The following SLC38A1 variants were observed in gnomAD, a reference collection of about 807,000 sequenced individuals.
SLC38A1 encodes solute carrier family 38 member 1.
A neutral mutation model predicts 60.3 loss-of-function variants in SLC38A1; 18 were observed. The observed-to-expected ratio is 0.30, with a 90% CI of 0.21 to 0.44. The LOEUF (loss-of-function observed/expected upper bound fraction) is 0.44. Ranked by LOEUF, SLC38A1 falls within the 20% of genes least tolerant of loss-of-function variation. The pLI is 1.00. For synonymous variants in SLC38A1, 196 were observed against 212.1 expected (o/e 0.92, Z 0.66); for missense variants, 448 against 587.2 (o/e 0.76, Z 2.45).
Position 46,229,166 on chromosome 12 carries a change from T to C in SLC38A1, c.301A>G (p.Ile101Val), listed in dbSNP as rs373482105. Residue 101 changes from isoleucine (I) to valine (V), a missense_variant, in exon 5 of 17, where the codon ATC becomes GTC. By Grantham distance (29) the Ile-to-Val change is conservative. Around this residue, in one of 2 missense-constraint regions of SLC38A1, gnomAD observed 346 missense variants for 497.5 expected, o/e 0.70. Coordinates refer to ENST00000398637, the MANE Select transcript of SLC38A1 (RefSeq NM_030674.4). ...GTCAATACTCACAGAAAAAGTAGGA[T>C]TCCAGTGTTTGCCAGGGCAAAGGCG... ...GLAFALANTG[I>V]LLFLVLLTSV... is the part of the protein sequence containing the mutation. 62 of 1,610,420 alleles carry C rather than the reference T, an allele frequency of 3.8e-5. No homozygotes were observed. The highest frequency in any genetic ancestry group is 4.8e-5 in the Non-Finnish European group (57 of 1,177,352).
intron 1 of SLC38A1, chr12:46,267,846 T>C (rs964720718): frequency 2.6e-5 from 4 of 152,228 alleles, no homozygotes; most frequent in African/African-American, 4.8e-5. Flanking sequence ...ACTACCTCTG[T>C]CCCCTGCCAC....
Position 46,268,318 on chromosome 12 carries a change from G to A in SLC38A1, c.-209+208C>T, listed in dbSNP as rs1316933689. 6.6e-6 allele frequency among the ~76,000 whole-genome samples: 1 copy of A among 152,180 alleles called. No individual in the cohort carries two copies. The highest frequency in any genetic ancestry group is 1.9e-4 in the East Asian group (1 of 5,188). ...CAAAGGTGAACTCGGGGGCCCTGGCGCTTCCTCCCGCTGCCGCGTGCGTTC... is the reference window on the plus strand; with the variant it reads ...CAAAGGTGAACTCGGGGGCCCTGGCACTTCCTCCCGCTGCCGCGTGCGTTC... On this transcript the variant is annotated intron_variant, in intron 1 of 16. Transcript: ENST00000398637. The surrounding 1 kb of genome is among the most constrained non-coding windows in gnomAD (Gnocchi z 4.4).
At chr12:46,194,421 C>T (rs1221277071) in intron 16 of SLC38A1, among the ~76,000 whole-genome samples, 1 of 152,090 alleles carries the variant, frequency 6.6e-6, no homozygotes, top group African/African-American at 2.4e-5. Context: ...CTTGGGGTTG[C>T]TCTTCTTGGA....
At chr12:46,229,310 C>A in intron 4 of SLC38A1, 42 bp from the exon 5 acceptor site, 1 of 1,373,462 alleles carries the variant, frequency 7.3e-7, no homozygotes, top group Non-Finnish European at 1.0e-6. Context: ...AAAATAATCC[C>A]CAAGAAAGTT....
At chr12:46,256,773 C>T (rs1340614713) in intron 1 of SLC38A1, among the ~76,000 whole-genome samples, 1 of 152,158 alleles carries the variant, frequency 6.6e-6, no homozygotes, top group East Asian at 1.9e-4. Context: ...GGCCAAGCTG[C>T]AACACAAAGG....
chr12:46,226,052 A>G (rs940131724), intron 5 of SLC38A1, among the ~76,000 whole-genome samples: 1 of 152,202 alleles, frequency 6.6e-6, no homozygotes, highest in Non-Finnish European at 1.5e-5. Flanking sequence ...TTAAATACTG[A>G]TTGTATATTT....
At chr12:46,258,149 G>C (rs963136449) in intron 1 of SLC38A1, among the ~76,000 whole-genome samples, 2 of 152,148 alleles carry the variant, frequency 1.3e-5, no homozygotes, top group Non-Finnish European at 2.9e-5. Flanking sequence ...TCTTGGTTTT[G>C]GTGGGTTTTA....
At chr12:46,196,532 G>A (rs1437853090) in intron 16 of SLC38A1, among the ~76,000 whole-genome samples, 1 of 152,140 alleles carries the variant, frequency 6.6e-6, no homozygotes, top group East Asian at 1.9e-4. Flanking sequence ...CTTCCTCTCT[G>A]TCCTCATTAA....
intron 3 of SLC38A1, among the ~76,000 whole-genome samples, chr12:46,235,947 G>A (rs1399139761): frequency 6.6e-6 from 1 of 152,174 alleles, no homozygotes; most frequent in African/African-American, 2.4e-5. Context: ...AATTTAAGGT[G>A]GCAATAACCA....
intron 5 of SLC38A1, among the ~76,000 whole-genome samples, chr12:46,223,480 C>CACACACACACACACA (rs1565773441): frequency 7.0e-6 from 1 of 142,328 alleles, no homozygotes; most frequent in African/African-American, 2.9e-5. Flanking sequence ...ACACACACAC[C>CACACACACACACACA]CCACTCATTT....
At position 46,215,307 on chromosome 12, in the gene SLC38A1, G is replaced by A. The variant is rs377400082; in HGVS notation, c.315-6180C>T. Among the ~76,000 whole-genome samples, 91 of 152,338 alleles carry A rather than the reference G, an allele frequency of 6.0e-4. 1 individual carries two copies. The highest frequency in any genetic ancestry group is 2.0e-3 in the African/African-American group (82 of 41,572). The stretch of plus-strand genomic sequence containing the variant: ...GCTACCCAAGTAAGGTGACAGTGAC[G>A]AAAAGCACTTACAACTGAATCATTC... On this transcript the variant is annotated intron_variant, in intron 5 of 16. Transcript: ENST00000398637.
intron 7 of SLC38A1, 25 bp from the exon 8 acceptor site, chr12:46,207,261 A>G: frequency 6.3e-7 from 1 of 1,584,080 alleles, no homozygotes; most frequent in Admixed American, 1.7e-5. Context: ...GAACATTTTT[A>G]GAAAGAAGAT....
intron 16 of SLC38A1, among the ~76,000 whole-genome samples, chr12:46,190,505 C>T (rs549037421): frequency 4.6e-5 from 7 of 152,296 alleles, no homozygotes; most frequent in South Asian, 2.1e-4. Context: ...CTTGAGGAAT[C>T]GCCACACTGT....
At chr12:46,250,177 T>C (rs1181909470) in intron 1 of SLC38A1, among the ~76,000 whole-genome samples, 2 of 152,186 alleles carry the variant, frequency 1.3e-5, no homozygotes, top group African/African-American at 4.8e-5. Context: ...GCAAGGTTGG[T>C]TCAACATACG....
intron 1 of SLC38A1, among the ~76,000 whole-genome samples, chr12:46,267,921 T>C (rs1246602700): frequency 6.6e-6 from 1 of 152,254 alleles, no homozygotes; most frequent in East Asian, 1.9e-4. Flanking sequence ...AAGCATCCTT[T>C]AGTAATTTCT....
intron 8 of SLC38A1, 140 bp downstream of exon 8, chr12:46,207,015 A>G: frequency 1.6e-6 from 1 of 621,038 alleles, no homozygotes; most frequent in Middle Eastern, 4.5e-4. Context: ...CCCCAAAGAA[A>G]TTTATTGTTG....
At chr12:46,235,937 A>G (rs1941243691) in intron 3 of SLC38A1, among the ~76,000 whole-genome samples, 1 of 152,208 alleles carries the variant, frequency 6.6e-6, no homozygotes, top group Non-Finnish European at 1.5e-5. Context: ...TGTTTCACCA[A>G]ATTTAAGGTG....
At chr12:46,205,112 G>C (rs541179951) in intron 9 of SLC38A1, among the ~76,000 whole-genome samples, 2 of 152,262 alleles carry the variant, frequency 1.3e-5, no homozygotes, top group Admixed American at 1.3e-4. Flanking sequence ...CTCTTTAGTA[G>C]CTCCCCTTAG....
At chr12:46,249,880 C>G (rs531295293) in intron 1 of SLC38A1, among the ~76,000 whole-genome samples, 3 of 152,132 alleles carry the variant, frequency 2.0e-5, no homozygotes, top group Non-Finnish European at 2.9e-5. Context: ...CAGGACCAGA[C>G]AGATTCACAG....
Sources: gnomAD v4.1 joint callset for allele counts (sites outside exome capture counted in the v4.1 genomes callset) on GRCh38, gnomAD v4.1.1 for gene constraint, gnomAD v4.1.1 regional missense constraint, Gnocchi (gnomAD v3.1) non-coding constraint, MANE v1.5 for transcripts, NCBI Gene and HGNC (gene_info 2026-07-23, HGNC 2026-07-21) for gene names.